The following UNC119 variants were observed in gnomAD, a reference collection of about 807,000 sequenced individuals.
UNC119 encodes unc-119 lipid binding chaperone, also known as protein unc-119 homolog A.
In UNC119, 15 loss-of-function variants were observed where a neutral mutation model predicts 22.6. The ratio of observed to expected loss-of-function variants is 0.66; its 90% confidence interval spans 0.44 to 1.02. The LOEUF (loss-of-function observed/expected upper bound fraction) is 1.02. Ranked by LOEUF, UNC119 falls within the 50% of genes least tolerant of loss-of-function variation. UNC119 has a pLI of 0.00. For missense variants in UNC119, 322 were observed against 336.0 expected (o/e 0.96, Z 0.33); for synonymous variants, 138 against 139.4 (o/e 0.99, Z 0.07).
At position 28,547,347 on chromosome 17, in the gene UNC119, G is replaced by C; in HGVS notation, c.673C>G (p.Arg225Gly). 6.2e-7 allele frequency: 1 copy of C among 1,614,172 alleles called. No homozygotes were observed. Residue 225 changes from arginine to glycine, a missense_variant, in exon 5 of 5, where the codon CGG becomes GGG. Arg to Gly is a moderately radical substitution (Grantham distance 125). Coordinates refer to ENST00000335765, the MANE Select transcript of UNC119 (RefSeq NM_005148.4). The part of the protein sequence containing the change: ...QSDSFYFVDD[R>G]LVMHNKADYS... ...TCTGCTTTATTGTGCATCACCAGCC[G>C]GTCATCCACGAAGTAGAAGCTGTCA... is the stretch of plus-strand genomic sequence containing the variant.
chr17:28,547,891 T>C lies in UNC119; in HGVS notation c.438-42A>G, dbSNP rs1415920663. Reference sequence around the variant, plus strand: ...GGCAGGGCTAAGTCTGTCCTTGAAGTCAACTAGCCAGCCAGGCTCAGGACA... The same window carrying C: ...GGCAGGGCTAAGTCTGTCCTTGAAGCCAACTAGCCAGCCAGGCTCAGGACA... On this transcript the variant is annotated intron_variant, in intron 3 of 4. Coordinates refer to ENST00000335765, the MANE Select transcript of UNC119 (RefSeq NM_005148.4). 5 of 1,612,276 alleles carry C rather than the reference T, an allele frequency of 3.1e-6. No individual in the cohort carries two copies. In the South Asian group the frequency reaches 4.4e-5, roughly 14 times the overall value.
intron 2 of UNC119, 121 bp from the exon 3 acceptor site, chr17:28,548,222 A>T: frequency 9.8e-7 from 1 of 1,018,924 alleles, no homozygotes; most frequent in Non-Finnish European, 1.4e-6. Context: ...ATTCCGGGGC[A>T]CACTGAGGGC....
intron 2 of UNC119, 41 bp downstream of exon 2, chr17:28,548,551 C>G: frequency 6.4e-7 from 1 of 1,554,472 alleles, no homozygotes; most frequent in Non-Finnish European, 8.9e-7. Context: ...CTCCGCAGCT[C>G]CTATCTGCCT....
rs1463349427 is a variant in UNC119 at position 28,552,541 on chromosome 17, C to T, written c.17G>A (p.Gly6Asp). The T allele has an allele frequency of 1.1e-5, 17 of 1,538,794 alleles. No individual in the cohort carries two copies. Among genetic ancestry groups the T allele is most frequent in the Non-Finnish European group, 1.5e-5 (17 of 1,152,938 alleles). MKVKK[G>D]GGGAGTATES... ...CGTCGCCGTCCCGGCCCCACCGCCG[C>T]CCTTCTTCACCTTCATGGCCTTGCG... The change falls in exon 1 of 5, where the codon GGC (glycine) becomes GAC (aspartate). Residue 6 changes from glycine (G) to aspartate (D), a missense_variant. Transcript: ENST00000335765.
At chr17:28,547,434 G>A (rs371661183) in intron 4 of UNC119, 25 bp from the exon 5 acceptor site, 52 of 1,613,062 alleles carry the variant, frequency 3.2e-5, no homozygotes, top group African/African-American at 2.5e-4. Flanking sequence ...CAGCCAGGCC[G>A]GGCAAAGGTC....
intron 1 of UNC119, 125 bp downstream of exon 1, chr17:28,552,213 G>T: frequency 1.1e-6 from 1 of 884,722 alleles, no homozygotes; most frequent in Non-Finnish European, 1.7e-6. Flanking sequence ...GGACACAGGA[G>T]AGGGGACTCG....
At chr17:28,551,548 C>G (rs532457817) in intron 1 of UNC119, 1 of 152,544 alleles carries the variant, frequency 6.6e-6, no homozygotes, top group African/African-American at 2.4e-5. Context: ...AATAATCTTA[C>G]GAGAAAGGTA....
chr17:28,552,527 C>T lies in UNC119; in HGVS notation c.31G>A (p.Gly11Arg), dbSNP rs1374905051. 2 of 1,546,512 alleles carry T rather than the reference C, an allele frequency of 1.3e-6. No individual in the cohort carries two copies. Among genetic ancestry groups the T allele is most frequent in the Non-Finnish European group, 1.7e-6 (2 of 1,156,782 alleles). MKVKKGGGGAGTATESAPGPS... is the reference protein window; with the variant it reads MKVKKGGGGARTATESAPGPS... The stretch of plus-strand genomic sequence containing the variant: ...CCCGGAGCGGACTCCGTCGCCGTCC[C>T]GGCCCCACCGCCGCCCTTCTTCACC... The change falls in exon 1 of 5, where the codon GGG becomes AGG. Residue 11 changes from glycine (G) to arginine (R), a missense_variant. Transcript: ENST00000335765.
chr17:28,549,992 G>A (rs1206341608), intron 1 of UNC119: 1 of 152,158 alleles, frequency 6.6e-6, no homozygotes, highest in African/African-American at 2.4e-5. Context: ...TGAATATAAA[G>A]TCATTTTCTC....
rs143353275 is a variant in UNC119, at chr17:28,547,308, C to A, written c.712G>T (p.Gly238Trp). Reference sequence around the variant, plus strand: ...GGGCAGCCGTGGGGTCAGGGTGTCCCGCTGTAGGAATAGTCTGCTTTATTG... The same window carrying A: ...GGGCAGCCGTGGGGTCAGGGTGTCCAGCTGTAGGAATAGTCTGCTTTATTG... Reference protein sequence around the residue: ...MHNKADYSYSGTP With the variant: ...MHNKADYSYSWTP Residue 238 changes from glycine (G) to tryptophan (W), a missense_variant, in exon 5 of 5, where the codon GGG becomes TGG. Coordinates refer to ENST00000335765, the MANE Select transcript of UNC119 (RefSeq NM_005148.4). The A allele has an allele frequency of 2.5e-6, 4 of 1,614,078 alleles. No individual in the cohort carries two copies. Among genetic ancestry groups the A allele is most frequent in the Non-Finnish European group, 3.4e-6 (4 of 1,180,002 alleles).
intron 1 of UNC119, chr17:28,552,131 G>A: frequency 1.4e-6 from 1 of 712,380 alleles, no homozygotes; most frequent in Non-Finnish European, 2.6e-6. Flanking sequence ...GGGAGAAGAA[G>A]GAGGCACAGA....
Position 28,552,616 on chromosome 17 carries a change from CG to C in UNC119, c.-60del. On this transcript the variant is annotated 5_prime_UTR_variant, in exon 1 of 5. Transcript: ENST00000335765. ...CGCCGCTGCCTGCGCCGGCTGGAGC[CG>C]GGGGAAGTGGGAGCATCCGCAGCCC... The C allele has an allele frequency of 4.9e-6, 7 of 1,433,940 alleles. No individual in the cohort carries two copies. The highest frequency in any genetic ancestry group is 6.4e-6 in the Non-Finnish European group (7 of 1,090,134). The allele number at this position is 1,433,940 out of a possible 1,614,324, so 88.8% of individuals were successfully genotyped here. A position where few individuals can be genotyped will look rare whatever the true frequency, so the allele number is the denominator to read the frequency against.
Position 28,548,021 on chromosome 17 carries a change from G to A in UNC119, c.415C>T (p.Arg139Cys), listed in dbSNP as rs754193171. Reference protein sequence around the residue: ...VRYQFTPAFLRLRQVGATVEF... With the variant: ...VRYQFTPAFLCLRQVGATVEF... ...CACGTGGCTCCCACCTGCCTCAGGC[G>A]GAGGAAGGCAGGCGTGAACTGGTAG... Residue 139 changes from arginine (R) to cysteine (C), a missense_variant, in exon 3 of 5, where the codon CGC (arginine) becomes TGC (cysteine). Physicochemically the swap from Arg to Cys is radical, Grantham distance 180. Transcript: ENST00000335765. 2.5e-5 allele frequency: 41 copies of A among 1,613,724 alleles called. No homozygotes were observed. The highest frequency in any genetic ancestry group is 1.0e-4 in the Admixed American group (6 of 59,996).
intron 1 of UNC119, chr17:28,552,010 C>T (rs562703413): frequency 9.3e-6 from 5 of 536,310 alleles, no homozygotes; most frequent in South Asian, 1.6e-5. Context: ...GGCCTCAAAG[C>T]GCTCTGGAGA....
At chr17:28,552,209 A>T in intron 1 of UNC119, 129 bp downstream of exon 1, 1 of 791,766 alleles carries the variant, frequency 1.3e-6, no homozygotes, top group Non-Finnish European at 1.9e-6. Context: ...CAGGGGACAC[A>T]GGAGAGGGGA....
chr17:28,548,510 T>C (rs1322420695), intron 2 of UNC119, 82 bp downstream of exon 2: 2 of 1,217,780 alleles, frequency 1.6e-6, no homozygotes, highest in East Asian at 4.6e-5. Flanking sequence ...TGTGGACTCC[T>C]CTGTGGCCCA....
intron 1 of UNC119, chr17:28,551,172 C>T (rs138089153): frequency 2.1e-3 from 326 of 152,614 alleles, no homozygotes; most frequent in Non-Finnish European, 3.5e-3. Flanking sequence ...GCTTTGGAAG[C>T]TCTAGGGCTC....
chr17:28,552,031 A>C, intron 1 of UNC119: 1 of 581,600 alleles, frequency 1.7e-6, no homozygotes. Context: ...CTCCACAGCT[A>C]CAGGGCTATG....
intron 4 of UNC119, 49 bp downstream of exon 4, chr17:28,547,628 T>C: frequency 1.9e-6 from 3 of 1,613,812 alleles, no homozygotes; most frequent in Non-Finnish European, 2.5e-6. Flanking sequence ...CGCAGCTCAG[T>C]CTCTAGACGC....
Sources: allele counts gnomAD v4.1 joint callset, GRCh38; gene constraint gnomAD v4.1.1; transcripts MANE v1.5; gene names NCBI Gene and HGNC (gene_info 2026-07-23, HGNC 2026-07-21).